The following PEBP4 variants were observed in gnomAD, a reference collection of about 807,000 sequenced individuals.
PEBP4 encodes phosphatidylethanolamine binding protein 4.
Under a neutral mutation model 23.9 loss-of-function variants are expected in PEBP4, and 22 were observed. That is an observed-to-expected ratio of 0.92 (90% CI 0.66 to 1.31). The LOEUF (loss-of-function observed/expected upper bound fraction) is 1.31, where lower values mean the gene tolerates loss of function less well. Ranked by LOEUF, PEBP4 falls within the 40% of genes most tolerant of loss-of-function variation. The pLI is 0.00. For missense variants in PEBP4, 324 were observed against 281.7 expected (o/e 1.15, Z -1.07); for synonymous variants, 112 against 99.3 (o/e 1.13, Z -0.76).
chr8:22,766,172 G>C (rs979392054), intron 4 of PEBP4, among the ~76,000 whole-genome samples: 3 of 152,210 alleles, frequency 2.0e-5, no homozygotes, highest in Non-Finnish European at 1.5e-5. Context: ...GTCTTGTCAC[G>C]GTGAGGCCAT....
At chr8:22,918,051 C>A (rs184739135) in intron 3 of PEBP4, among the ~76,000 whole-genome samples, 14 of 152,250 alleles carry the variant, frequency 9.2e-5, no homozygotes, top group South Asian at 4.2e-4. Context: ...CTGGCTTAAG[C>A]CGATTTGAGT....
intron 4 of PEBP4, among the ~76,000 whole-genome samples, chr8:22,773,771 C>T (rs1464016926): frequency 3.3e-5 from 5 of 152,146 alleles, no homozygotes; most frequent in South Asian, 2.1e-4. Flanking sequence ...GAGCCTCAGC[C>T]GGGGGCTTTA....
At chr8:22,903,813 C>A (rs1808755525) in intron 3 of PEBP4, among the ~76,000 whole-genome samples, 2 of 152,224 alleles carry the variant, frequency 1.3e-5, no homozygotes, top group African/African-American at 4.8e-5. Flanking sequence ...GCCAGGGTTA[C>A]CTGGTACCCA....
At chr8:22,928,309 G>T (rs1454770193), upstream of PEBP4, among the ~76,000 whole-genome samples, 1 of 152,236 alleles carries the variant, frequency 6.6e-6, no homozygotes, top group East Asian at 1.9e-4. Context: ...AGGGACTGCT[G>T]CAGGGGGTGG....
intron 4 of PEBP4, chr8:22,747,502 C>T (rs1412332322): frequency 6.6e-6 from 1 of 151,846 alleles, no homozygotes; most frequent in East Asian, 1.9e-4. Context: ...TTGCAAGCCT[C>T]AAGGTTTGTG....
intron 3 of PEBP4, among the ~76,000 whole-genome samples, chr8:22,825,323 T>C (rs1806945846): frequency 6.6e-6 from 1 of 152,228 alleles, no homozygotes; most frequent in Admixed American, 6.5e-5. Flanking sequence ...ACGTCTTCCT[T>C]CTGGCCGGTG....
At chr8:22,750,954 ATTAAC>A (rs1412272097) in intron 4 of PEBP4, among the ~76,000 whole-genome samples, 1 of 152,186 alleles carries the variant, frequency 6.6e-6, no homozygotes, top group Non-Finnish European at 1.5e-5. Flanking sequence ...TGCCTGGGTA[ATTAAC>A]TTAATAGGTT....
At chr8:22,716,608 C>T (rs2128747623) in intron 6 of PEBP4, among the ~76,000 whole-genome samples, 1 of 152,370 alleles carries the variant, frequency 6.6e-6, no homozygotes, top group East Asian at 1.9e-4. Context: ...CCCAAGCTTC[C>T]CAAATCTGTG....
chr8:22,888,411 C>T (rs1347365811), intron 3 of PEBP4, among the ~76,000 whole-genome samples: 5 of 152,186 alleles, frequency 3.3e-5, no homozygotes, highest in Non-Finnish European at 7.3e-5. Context: ...ACCTCGGCCT[C>T]CCAAAGTGTT....
At position 22,865,547 on chromosome 8, in the gene PEBP4, C is replaced by T. The variant is rs911771924; in HGVS notation, c.259-47812G>A. Among the ~76,000 whole-genome samples the T allele has an allele frequency of 6.6e-6, 1 of 152,268 alleles. No individual in the cohort carries two copies. Among genetic ancestry groups the T allele is most frequent in the African/African-American group, 2.4e-5 (1 of 41,562 alleles). Reference sequence around the variant, plus strand: ...GCTAAAAAAGGCAAGGCGCTGCTGCCGGTGCCGGTGCCGCAGCCGCCGGGG... The same window carrying T: ...GCTAAAAAAGGCAAGGCGCTGCTGCTGGTGCCGGTGCCGCAGCCGCCGGGG... On this transcript the variant is annotated intron_variant, in intron 3 of 6. Transcript: ENST00000256404. The surrounding 1 kb of genome is among the most constrained non-coding windows in gnomAD (Gnocchi z 6.9).
chr8:22,791,545 T>A (rs1206434984), intron 4 of PEBP4, among the ~76,000 whole-genome samples: 1 of 152,154 alleles, frequency 6.6e-6, no homozygotes, highest in Non-Finnish European at 1.5e-5. Flanking sequence ...CCAAGCTCTC[T>A]GTGCGTTCGC....
chr8:22,737,794 C>T (rs780596016), intron 4 of PEBP4, among the ~76,000 whole-genome samples: 5 of 152,232 alleles, frequency 3.3e-5, no homozygotes, highest in Non-Finnish European at 5.9e-5. Context: ...GCGATGATAA[C>T]GATACCTGCC....
intron 4 of PEBP4, among the ~76,000 whole-genome samples, chr8:22,814,299 C>T (rs957962744): frequency 1.3e-5 from 2 of 152,174 alleles, no homozygotes; most frequent in Admixed American, 6.5e-5. Context: ...CTGTGCTATA[C>T]TGAATAGTGT....
At chr8:22,919,493 ACT>A (rs1337170489) in intron 3 of PEBP4, among the ~76,000 whole-genome samples, 2 of 151,592 alleles carry the variant, frequency 1.3e-5, no homozygotes, top group African/African-American at 2.4e-5. Context: ...CCCAAAACAC[ACT>A]CTGGCTGCTT....
chr8:22,801,663 G>C (rs549459004), intron 4 of PEBP4, among the ~76,000 whole-genome samples: 1 of 152,056 alleles, frequency 6.6e-6, no homozygotes, highest in Non-Finnish European at 1.5e-5. Context: ...CTTGGGAAAT[G>C]GTTTTGCAAA....
At chr8:22,846,266 G>A (rs779963707) in intron 3 of PEBP4, among the ~76,000 whole-genome samples, 8 of 152,116 alleles carry the variant, frequency 5.3e-5, no homozygotes, top group South Asian at 2.1e-4. Context: ...GGGGAGTCCC[G>A]GGCCCCAGAG....
At chr8:22,888,599 C>T (rs373419648) in intron 3 of PEBP4, among the ~76,000 whole-genome samples, 2 of 152,364 alleles carry the variant, frequency 1.3e-5, no homozygotes, top group South Asian at 4.1e-4. Flanking sequence ...TGCTCAGGGG[C>T]ACTGGTACCG....
At chr8:22,827,847 C>T (rs1807004545) in intron 3 of PEBP4, among the ~76,000 whole-genome samples, 1 of 152,204 alleles carries the variant, frequency 6.6e-6, no homozygotes, top group Non-Finnish European at 1.5e-5. Flanking sequence ...TACAATTCCA[C>T]CAGAAGGTTC....
rs570273951 is a variant in PEBP4 at position 22,916,499 on chromosome 8, C to T, written c.258+3685G>A. 1.1e-4 allele frequency among the ~76,000 whole-genome samples: 16 copies of T among 152,252 alleles called. No homozygotes were observed. In the South Asian group the frequency reaches 3.3e-3, roughly 32 times the overall value. On this transcript the variant is annotated intron_variant, in intron 3 of 6. Coordinates refer to ENST00000256404, the MANE Select transcript of PEBP4 (RefSeq NM_144962.3). Reference sequence around the variant, plus strand: ...GCCTGCTTCCCCACCCACCCCCCAGCTCACACCCCACCCCTAGGGGGAGGA... The same window carrying T: ...GCCTGCTTCCCCACCCACCCCCCAGTTCACACCCCACCCCTAGGGGGAGGA...
Sources: allele counts gnomAD v4.1 joint callset (sites outside exome capture counted in the v4.1 genomes callset), GRCh38; gene constraint gnomAD v4.1.1; non-coding constraint Gnocchi (gnomAD v3.1); transcripts MANE v1.5; gene names NCBI Gene and HGNC (gene_info 2026-07-23, HGNC 2026-07-21).